ENG: variants seen among roughly 807,000 people sequenced by gnomAD.
ENG encodes endoglin.
ENG carries 17 observed loss-of-function variants against 71.0 expected under a neutral mutation model. The ratio of observed to expected loss-of-function variants is 0.24; its 90% confidence interval spans 0.16 to 0.36. ENG has a LOEUF of 0.36. Among genes scored for constraint, ENG ranks in the 10% least tolerant of loss-of-function variants. The pLI is 1.00. For synonymous variants in ENG, 360 were observed against 366.9 expected, an observed-to-expected ratio of 0.98 and a Z score of 0.21; for missense variants, 749 against 868.3, an observed-to-expected ratio of 0.86 and a Z score of 1.73.
At chr9:127,853,773 A>G (rs1205368745) in intron 1 of ENG, among the ~76,000 whole-genome samples, 1 of 152,194 alleles carries the variant, frequency 6.6e-6, no homozygotes, top group South Asian at 2.1e-4. Context: ...CTCACCACCC[A>G]CCTCCTCAGC....
At chr9:127,852,535 C>T (rs1160689672) in intron 1 of ENG, among the ~76,000 whole-genome samples, 1 of 152,188 alleles carries the variant, frequency 6.6e-6, no homozygotes, top group African/African-American at 2.4e-5. Context: ...CAGGAACAGA[C>T]GGATACGTTT....
chr9:127,832,517 AC>A (rs990126472), intron 2 of ENG: 10 of 120,784 alleles, frequency 8.3e-5, no homozygotes, highest in Non-Finnish European at 1.5e-4. Flanking sequence ...TTTTCTTTTC[AC>A]TTTTTTTTTT....
At chr9:127,825,496 G>T (rs1052553896) in intron 5 of ENG, 139 bp from the exon 6 acceptor site, 1 of 1,443,374 alleles carries the variant, frequency 6.9e-7, no homozygotes, top group Non-Finnish European at 9.5e-7. Context: ...CTGGGGCCAG[G>T]CTTGTGCCCA....
chr9:127,818,913 C>A, intron 10 of ENG, 81 bp from the exon 11 acceptor site: 4 of 1,175,236 alleles, frequency 3.4e-6, no homozygotes, highest in Non-Finnish European at 5.1e-6. Context: ...GAACAGGCAT[C>A]ATGGCCCTGT....
chr9:127,843,318 C>T, intron 1 of ENG, 73 bp from the exon 2 acceptor site: 2 of 1,602,544 alleles, frequency 1.2e-6, no homozygotes, highest in South Asian at 1.1e-5. Flanking sequence ...TTCCAAACGT[C>T]TCCTAGGGAC....
chr9:127,829,465 C>T (rs369239273), intron 3 of ENG, among the ~76,000 whole-genome samples: 2 of 152,208 alleles, frequency 1.3e-5, no homozygotes, highest in African/African-American at 4.8e-5. Flanking sequence ...AACCTGACTC[C>T]CACCTCTTGG....
chr9:127,847,457 AC>A (rs779963131), intron 1 of ENG, among the ~76,000 whole-genome samples: 3 of 150,506 alleles, frequency 2.0e-5, no homozygotes, highest in South Asian at 2.1e-4. Context: ...TCCCGCTGCC[AC>A]CCCCCCTTTT....
intron 1 of ENG, among the ~76,000 whole-genome samples, chr9:127,845,594 A>G (rs1190383849): frequency 6.6e-6 from 1 of 151,996 alleles, no homozygotes; most frequent in African/African-American, 2.4e-5. Flanking sequence ...GAATGATTTC[A>G]CCTCTTGGGG....
In ENG at chr9:127,852,030, T is replaced by C. The variant is rs78468466; in HGVS notation, c.67+2259A>G. On this transcript the variant is annotated intron_variant, in intron 1 of 14. Coordinates refer to ENST00000373203, the MANE Select transcript of ENG (RefSeq NM_001114753.3). ...TATTGTTGCCAAAATGGAATTATTG[T>C]TGTTTGGGCACCTAACAGTGTGTCC... Among the ~76,000 whole-genome samples, 1,678 of 152,340 alleles carry C rather than the reference T, an allele frequency of 0.011. 93 individuals carry two copies. The East Asian group carries it at 0.17, about 15-fold the overall frequency.
intron 2 of ENG, among the ~76,000 whole-genome samples, chr9:127,842,093 G>A (rs928625793): frequency 6.6e-6 from 1 of 152,138 alleles, no homozygotes; most frequent in Non-Finnish European, 1.5e-5. Context: ...GCTGGGAGTG[G>A]GGGTCTCCTG....
intron 1 of ENG, 32 bp from the exon 2 acceptor site, chr9:127,843,277 T>C (rs752081618): frequency 6.2e-7 from 1 of 1,613,838 alleles, no homozygotes; most frequent in Admixed American, 1.7e-5. Flanking sequence ...AGAGGCCAGG[T>C]GAGAATAAGG....
chr9:127,818,669 A>C (rs758017547), intron 11 of ENG, 47 bp downstream of exon 11: 4 of 1,585,432 alleles, frequency 2.5e-6, no homozygotes, highest in South Asian at 1.1e-5. Flanking sequence ...GCGGAGAGGA[A>C]GTTCCAGGAG....
intron 12 of ENG, 144 bp from the exon 13 acceptor site, chr9:127,817,347 A>C: frequency 2.5e-6 from 2 of 803,648 alleles, no homozygotes; most frequent in Admixed American, 4.0e-5. Context: ...CCTCTGGGTG[A>C]GTCCTGGAAG....
At chr9:127,825,422 C>T (rs41446048) in intron 5 of ENG, 65 bp from the exon 6 acceptor site, 13 of 1,598,996 alleles carry the variant, frequency 8.1e-6, no homozygotes, top group South Asian at 3.3e-5. Flanking sequence ...CGAGGCCTGG[C>T]GTCGGGTGGG....
intron 1 of ENG, among the ~76,000 whole-genome samples, chr9:127,843,623 ATGTATATATGTGTGTG>A (rs1302081373): frequency 6.6e-4 from 99 of 149,726 alleles, no homozygotes; most frequent in African/African-American, 2.3e-3. Flanking sequence ...ACTGGGCCCC[ATGTATATATGTGTGTG>A]TGTATATATA....
Position 127,815,782 on chromosome 9 carries a change from A to G in ENG, c.1877T>C (p.Val626Ala), listed in dbSNP as rs1830293931. The change falls in exon 15 of 15, where the codon GTG becomes GCG. Residue 626 changes from valine (V) to alanine (A), a missense_variant. Transcript: ENST00000373203. ...HTRSPSKREP[V>A]VAVAAPASSE... ...GGAGGCCGGGGCAGCCACCGCCACC[A>G]CGGGCTCCCGCTTGCTGGGGGAACC... The G allele has an allele frequency of 1.2e-5, 18 of 1,545,564 alleles. No individual in the cohort carries two copies. The highest frequency in any genetic ancestry group is 1.5e-5 in the Non-Finnish European group (17 of 1,147,178).
chr9:127,849,298 G>A (rs57995329), intron 1 of ENG, among the ~76,000 whole-genome samples: 196 of 152,258 alleles, frequency 1.3e-3, no homozygotes, highest in African/African-American at 4.4e-3. Context: ...TTCTTGAATC[G>A]CACCCTTCTG....
chr9:127,838,246 G>A lies in ENG; in HGVS notation c.219+4848C>T, dbSNP rs112093867. ...GCCATTTGGGATTTTGGGGTCCTGG[G>A]TACCCAGAGCATCATCTAGAAGGGA... On this transcript the variant is annotated intron_variant, in intron 2 of 14. Transcript: ENST00000373203. This position sits in a 1 kb window ranked among gnomAD's most constrained non-coding sequence, Gnocchi z 4.3. Among the ~76,000 whole-genome samples, 12 of 152,184 alleles carry A rather than the reference G, an allele frequency of 7.9e-5. No individual in the cohort carries two copies. The highest frequency in any genetic ancestry group is 2.7e-4 in the African/African-American group (11 of 41,450).
At position 127,836,398 on chromosome 9, in the gene ENG, C is replaced by T. The variant is rs542347400; in HGVS notation, c.220-6571G>A. On this transcript the variant is annotated intron_variant, in intron 2 of 14. Coordinates refer to ENST00000373203, the MANE Select transcript of ENG (RefSeq NM_001114753.3). The surrounding 1 kb of genome is among the most constrained non-coding windows in gnomAD (Gnocchi z 4.0). Reference sequence around the variant, plus strand: ...AGTTGGTGGCAGGAAGGGGGGATTTCGGTGAGGAGGCCCTGAGTGCTAGTA... The same window carrying T: ...AGTTGGTGGCAGGAAGGGGGGATTTTGGTGAGGAGGCCCTGAGTGCTAGTA... 3.3e-5 allele frequency among the ~76,000 whole-genome samples: 5 copies of T among 152,372 alleles called. No homozygotes were observed. Among genetic ancestry groups the T allele is most frequent in the Non-Finnish European group, 4.4e-5 (3 of 68,040 alleles).
Sources: allele counts gnomAD v4.1 joint callset (sites outside exome capture counted in the v4.1 genomes callset), GRCh38; gene constraint gnomAD v4.1.1; non-coding constraint Gnocchi (gnomAD v3.1); transcripts MANE v1.5; gene names NCBI Gene and HGNC (gene_info 2026-07-23, HGNC 2026-07-21).